Variants in SYN3 observed in about 807,000 individuals in gnomAD.
SYN3 encodes the protein synapsin III.
In SYN3, 35 loss-of-function variants were observed where a neutral mutation model predicts 65.8. That is an observed-to-expected ratio of 0.53 (90% CI 0.41 to 0.70). SYN3 has a LOEUF of 0.70. Among genes scored for constraint, SYN3 ranks in the 30% least tolerant of loss-of-function variants. The pLI, the probability that SYN3 is intolerant of heterozygous loss-of-function variation, is 0.00. For synonymous variants in SYN3, 270 were observed against 292.9 expected (o/e 0.92, Z 0.80); for missense variants, 680 against 749.0 (o/e 0.91, Z 1.08).
rs577444070 is a variant in SYN3, at chr22:32,541,485, C to T, written c.917+86G>A. 7 of 1,540,462 alleles carry T rather than the reference C, an allele frequency of 4.5e-6. No homozygotes were observed. The East Asian group carries it at 1.6e-4, about 35-fold the overall frequency. Reference sequence around the variant, plus strand: ...GACAGGAAGGAGGATAATGATGCACCCTTGGGTGCAGGAGACAGCGGCTGG... The same window carrying T: ...GACAGGAAGGAGGATAATGATGCACTCTTGGGTGCAGGAGACAGCGGCTGG... On this transcript the variant is annotated intron_variant, in intron 8 of 13. Transcript: ENST00000358763.
At chr22:32,882,649 C>A (rs1294637507) in intron 4 of SYN3, among the ~76,000 whole-genome samples, 1 of 152,082 alleles carries the variant, frequency 6.6e-6, no homozygotes, top group Non-Finnish European at 1.5e-5. Context: ...GGTGTCTTAA[C>A]CACCTTAGTT....
chr22:32,861,396 G>GAAA (rs2048534579), intron 6 of SYN3: 1 of 152,174 alleles, frequency 6.6e-6, no homozygotes, highest in African/African-American at 2.4e-5. Context: ...GTGAGCAGAA[G>GAAA]CTGATGCCAG....
chr22:32,670,079 A>G (rs1198977879), intron 6 of SYN3, among the ~76,000 whole-genome samples: 2 of 152,206 alleles, frequency 1.3e-5, no homozygotes, highest in Admixed American at 1.3e-4. Context: ...AACTTGTATC[A>G]TGTTTAAGGA....
At chr22:32,816,573 G>A (rs1180896093) in intron 6 of SYN3, among the ~76,000 whole-genome samples, 3 of 152,102 alleles carry the variant, frequency 2.0e-5, no homozygotes, top group African/African-American at 7.2e-5. Context: ...GGAAAGACAA[G>A]TTCAGCTTGC....
chr22:32,697,035 G>C (rs1229394149), intron 6 of SYN3, among the ~76,000 whole-genome samples: 1 of 152,166 alleles, frequency 6.6e-6, no homozygotes, highest in Non-Finnish European at 1.5e-5. Flanking sequence ...TAACTCACTG[G>C]TAAGGTAGCC....
intron 1 of SYN3, among the ~76,000 whole-genome samples, chr22:33,040,233 T>C (rs1362286134): frequency 6.6e-6 from 1 of 152,076 alleles, no homozygotes; most frequent in Non-Finnish European, 1.5e-5. Flanking sequence ...CCTGACCCCG[T>C]GATCTCCCGC....
chr22:32,757,944 A>G (rs1027966229), intron 6 of SYN3, among the ~76,000 whole-genome samples: 1 of 152,226 alleles, frequency 6.6e-6, no homozygotes, highest in African/African-American at 2.4e-5. Context: ...AGAAGGCAAT[A>G]TCAATACCAG....
chr22:32,859,144 A>C, intron 6 of SYN3: 1 of 1,611,816 alleles, frequency 6.2e-7, no homozygotes, highest in Non-Finnish European at 8.5e-7. Flanking sequence ...ATACCATGGC[A>C]GAGTCCATCA....
At chr22:32,536,255 G>T (rs1023542074) in intron 9 of SYN3, among the ~76,000 whole-genome samples, 3 of 152,234 alleles carry the variant, frequency 2.0e-5, no homozygotes, top group African/African-American at 7.2e-5. Flanking sequence ...GTCGTGCCAG[G>T]TCATGAGCGC....
intron 6 of SYN3, among the ~76,000 whole-genome samples, chr22:32,632,628 A>C (rs959084851): frequency 2.0e-5 from 3 of 152,114 alleles, no homozygotes; most frequent in African/African-American, 7.2e-5. Flanking sequence ...TGGTGCTTAA[A>C]GGTTTGGGGC....
chr22:32,651,564 T>TTGAATGAATGAATGAATGAA (rs143229085), intron 6 of SYN3, among the ~76,000 whole-genome samples: 251 of 151,078 alleles, frequency 1.7e-3, no homozygotes, highest in East Asian at 7.5e-3. Flanking sequence ...GGATGCATGC[T>TTGAATGAATGAATGAATGAA]TGAATGAATG....
intron 6 of SYN3, among the ~76,000 whole-genome samples, chr22:32,695,170 A>G (rs2060718941): frequency 6.6e-6 from 1 of 152,150 alleles, no homozygotes; most frequent in African/African-American, 2.4e-5. Context: ...AATGTCCAGC[A>G]TGCATATTCA....
intron 6 of SYN3, among the ~76,000 whole-genome samples, chr22:32,814,362 A>AAAGAAAGAAAGAAAGG (rs2047033631): frequency 1.1e-5 from 1 of 88,966 alleles, no homozygotes; most frequent in Non-Finnish European, 2.5e-5. Flanking sequence ...AGAAAGAAAG[A>AAAGAAAGAAAGAAAGG]AAGAAAGAAA....
At chr22:32,829,999 CCAGT>C (rs2047526637) in intron 6 of SYN3, among the ~76,000 whole-genome samples, 1 of 152,214 alleles carries the variant, frequency 6.6e-6, no homozygotes, top group Non-Finnish European at 1.5e-5. Context: ...TGGACTGATA[CCAGT>C]CAATGTCCCT....
intron 6 of SYN3, among the ~76,000 whole-genome samples, chr22:32,667,475 G>C (rs2060304201): frequency 6.6e-6 from 1 of 152,122 alleles, no homozygotes; most frequent in Non-Finnish European, 1.5e-5. Context: ...ACCAGTCCCT[G>C]CTGATCACAC....
chr22:32,701,000 T>A (rs1218685078), intron 6 of SYN3, among the ~76,000 whole-genome samples: 1 of 152,204 alleles, frequency 6.6e-6, no homozygotes, highest in Non-Finnish European at 1.5e-5. Context: ...ATTCAATCAA[T>A]CCCTAAGTCC....
At chr22:32,869,330 T>TTCTCTCTCTCTC (rs59752570) in intron 4 of SYN3, among the ~76,000 whole-genome samples, 12,941 of 120,308 alleles carry the variant, frequency 0.11, 881 homozygotes, top group East Asian at 0.19. Context: ...ACTATATATA[T>TTCTCTCTCTCTC]TCTCTCTCTC....
chr22:32,870,346 CATA>C (rs535171130), intron 4 of SYN3, among the ~76,000 whole-genome samples: 161 of 152,106 alleles, frequency 1.1e-3, no homozygotes, highest in Non-Finnish European at 1.9e-3. Flanking sequence ...ATGTTTTCCA[CATA>C]ATAATATAGT....
At chr22:32,970,205 C>T (rs925243758) in intron 3 of SYN3, among the ~76,000 whole-genome samples, 9 of 152,160 alleles carry the variant, frequency 5.9e-5, no homozygotes, top group African/African-American at 2.2e-4. Flanking sequence ...TATATGCGCA[C>T]TTACTATTTT....
Sources: gnomAD v4.1 joint callset for allele counts (sites outside exome capture counted in the v4.1 genomes callset) on GRCh38, gnomAD v4.1.1 for gene constraint, MANE v1.5 for transcripts, NCBI Gene and HGNC (gene_info 2026-07-23, HGNC 2026-07-21) for gene names.